The following ZNF599 variants were observed in gnomAD, a reference collection of about 807,000 sequenced individuals.
ZNF599 encodes zinc finger protein 599.
In ZNF599, 10 loss-of-function variants were observed where a neutral mutation model predicts 11.7. The observed-to-expected ratio is 0.86, with a 90% CI of 0.53 to 1.45. The LOEUF is 1.45. Among genes scored for constraint, ZNF599 ranks in the 40% most tolerant of loss-of-function variants. The probability of loss-of-function intolerance (pLI) is 0.00; values close to 1 mark genes in which losing one functional copy is unlikely to be tolerated. For missense variants in ZNF599, 688 were observed against 713.6 expected (o/e 0.96, Z 0.41); for synonymous variants, 232 against 253.2 (o/e 0.92, Z 0.79).
At chr19:34,784,500 G>A in the ZNF599 span, among the ~76,000 whole-genome samples, 2 of 152,138 alleles carry the variant, frequency 1.3e-5, no homozygotes, top group Admixed American at 6.5e-5. Flanking sequence ...CAAGGGCAGC[G>A]CCCAGTTCCG....
Position 34,758,399 on chromosome 19 carries a change from C to T in ZNF599, c.*635G>A, listed in dbSNP as rs1380797118. 1 of 152,222 alleles carries T rather than the reference C, an allele frequency of 6.6e-6. No individual in the cohort carries two copies. The highest frequency in any genetic ancestry group is 1.5e-5 in the Non-Finnish European group (1 of 68,066). The allele number at this position is 152,222 out of a possible 1,614,324, so 9.4% of individuals were successfully genotyped here. Reference sequence around the variant, plus strand: ...ATGACTCAAGCCTTTATATTTCTCACAAAGACACACTCCCTCAAGGGTAGA... The same window carrying T: ...ATGACTCAAGCCTTTATATTTCTCATAAAGACACACTCCCTCAAGGGTAGA... On this transcript the variant is annotated 3_prime_UTR_variant, in exon 4 of 4. Transcript: ENST00000329285.
At position 34,773,016 on chromosome 19, in the gene ZNF599, G is replaced by A; in HGVS notation, c.-175C>T. ...CGCGCCGTGAGGACACAGGGCTGTC[G>A]CCAAGGCCCCAGGAAGGGTTTTGCA... On this transcript the variant is annotated 5_prime_UTR_variant, in exon 1 of 4. The change creates a premature stop within an existing upstream ORF in the 5' untranslated region. Coordinates refer to ENST00000329285, the MANE Select transcript of ZNF599 (RefSeq NM_001007248.3). 4.1e-6 allele frequency: 3 copies of A among 724,196 alleles called. No homozygotes were observed. The highest frequency in any genetic ancestry group is 2.1e-5 in the South Asian group (1 of 47,370). The allele number at this position is 724,196 out of a possible 1,614,324, so 44.9% of individuals were successfully genotyped here. A position where few individuals can be genotyped will look rare whatever the true frequency, so the allele number is the denominator to read the frequency against.
At chr19:34,802,722 A>T in the ZNF599 span, among the ~76,000 whole-genome samples, 2 of 152,170 alleles carry the variant, frequency 1.3e-5, no homozygotes, top group Non-Finnish European at 2.9e-5. Flanking sequence ...GGACTGGTTC[A>T]TGGTATGATT....
At chr19:34,777,692 G>A (rs867222499), upstream of ZNF599, among the ~76,000 whole-genome samples, 13 of 148,964 alleles carry the variant, frequency 8.7e-5, no homozygotes, top group Non-Finnish European at 1.9e-4. Context: ...TGAACCCAGA[G>A]AGCATTATGC....
the ZNF599 span, among the ~76,000 whole-genome samples, chr19:34,785,358 G>A: frequency 9.9e-5 from 15 of 152,070 alleles, no homozygotes; most frequent in Non-Finnish European, 1.3e-4. Flanking sequence ...TGCTCCCACC[G>A]TATGCCTCTA....
At chr19:34,777,718 A>C (rs935030058), upstream of ZNF599, among the ~76,000 whole-genome samples, 1 of 150,462 alleles carries the variant, frequency 6.6e-6, no homozygotes, top group Non-Finnish European at 1.5e-5. Context: ...TAAATGAGCC[A>C]GTCACAGAAG....
chr19:34,770,615 C>T (rs990922297), intron 1 of ZNF599, among the ~76,000 whole-genome samples: 7 of 152,184 alleles, frequency 4.6e-5, no homozygotes, highest in African/African-American at 1.7e-4. Context: ...TCTTCCTGAG[C>T]CACGGTTAGC....
intron 1 of ZNF599, among the ~76,000 whole-genome samples, chr19:34,769,877 C>G (rs975977679): frequency 4.8e-4 from 73 of 152,226 alleles, no homozygotes; most frequent in African/African-American, 1.7e-3. Context: ...GCAGCAGCAG[C>G]TGAGCCTCAC....
At chr19:34,780,509 G>A in the ZNF599 span, among the ~76,000 whole-genome samples, 2,263 of 150,812 alleles carry the variant, frequency 0.015, 43 homozygotes, top group South Asian at 0.086. Flanking sequence ...AGAAAGAGAA[G>A]AGAAGAGAAG....
At chr19:34,769,384 A>C in intron 2 of ZNF599, 45 bp downstream of exon 2, 1 of 1,613,770 alleles carries the variant, frequency 6.2e-7, no homozygotes, top group Admixed American at 1.7e-5. Context: ...GGGTGGATTC[A>C]AAGAGGCTGT....
At chr19:34,783,919 A>G in the ZNF599 span, among the ~76,000 whole-genome samples, 19,868 of 152,142 alleles carry the variant, frequency 0.13, 1,377 homozygotes, top group Middle Eastern at 0.2. Context: ...GGCCCACACC[A>G]TGGCCATGTT....
At chr19:34,794,283 C>T in the ZNF599 span, among the ~76,000 whole-genome samples, 3 of 152,108 alleles carry the variant, frequency 2.0e-5, no homozygotes, top group African/African-American at 7.2e-5. Flanking sequence ...AGAGACAAAC[C>T]ATATTACTGT....
At chr19:34,785,953 A>G in the ZNF599 span, among the ~76,000 whole-genome samples, 2 of 152,206 alleles carry the variant, frequency 1.3e-5, no homozygotes, top group African/African-American at 4.8e-5. Flanking sequence ...CCACCAGTAT[A>G]AAATACACGT....
chr19:34,787,902 T>C, the ZNF599 span, among the ~76,000 whole-genome samples: 1 of 152,186 alleles, frequency 6.6e-6, no homozygotes, highest in Non-Finnish European at 1.5e-5. Context: ...CTCATTACAG[T>C]CGGCCCTCTG....
Position 34,759,443 on chromosome 19 carries a change from C to T in ZNF599, c.1358G>A (p.Cys453Tyr), listed in dbSNP as rs776112726. ...RIHTGEKPYE[C>Y]SECGKAFTHH... ...TGTAAAAGCCTTTCCACATTCACTG[C>T]ACTCATAAGGCTTCTCACCAGTGTG... Residue 453 changes from cysteine (C) to tyrosine (Y), a missense_variant, in exon 4 of 4, where the codon TGC (cysteine) becomes TAC (tyrosine). Physicochemically the swap from Cys to Tyr is radical, Grantham distance 194 (BLOSUM62 -2). Coordinates refer to ENST00000329285, the MANE Select transcript of ZNF599 (RefSeq NM_001007248.3). 15 of 1,614,032 alleles carry T rather than the reference C, an allele frequency of 9.3e-6. No homozygotes were observed. Among genetic ancestry groups the T allele is most frequent in the Middle Eastern group, 1.6e-4 (1 of 6,084 alleles).
the ZNF599 span, among the ~76,000 whole-genome samples, chr19:34,806,034 C>A: frequency 2.0e-5 from 3 of 152,154 alleles, no homozygotes; most frequent in Middle Eastern, 3.2e-3. Flanking sequence ...GAGTCACACA[C>A]AGGCTGAGTC....
At chr19:34,769,222 A>G (rs1182300082) in intron 2 of ZNF599, among the ~76,000 whole-genome samples, 1 of 152,206 alleles carries the variant, frequency 6.6e-6, no homozygotes, top group Admixed American at 6.5e-5. Context: ...CAGTGGGATA[A>G]AAGTGTTGAG....
upstream of ZNF599, among the ~76,000 whole-genome samples, chr19:34,777,744 A>T (rs2069228681): frequency 6.6e-6 from 1 of 150,972 alleles, no homozygotes; most frequent in Non-Finnish European, 1.5e-5. Flanking sequence ...ATATTGTATG[A>T]TCCCACTTAT....
At chr19:34,797,558 T>C in the ZNF599 span, among the ~76,000 whole-genome samples, 1 of 152,180 alleles carries the variant, frequency 6.6e-6, no homozygotes, top group Non-Finnish European at 1.5e-5. Flanking sequence ...ATTTCTCTGA[T>C]GGCCAGTGAT....
Sources: gnomAD v4.1 joint callset for allele counts (sites outside exome capture counted in the v4.1 genomes callset) on GRCh38, gnomAD v4.1.1 for gene constraint, MANE v1.5 for transcripts, NCBI Gene and HGNC (gene_info 2026-07-23, HGNC 2026-07-21) for gene names.